The following DST variants were observed in gnomAD, a reference collection of about 807,000 sequenced individuals.
DST encodes bullous pemphigoid antigen.
DST carries 253 observed loss-of-function variants against 875.2 expected under a neutral mutation model. The ratio of observed to expected loss-of-function variants is 0.29; its 90% CI spans 0.26 to 0.32. The LOEUF is 0.32. Ranked by LOEUF, DST falls within the 10% of genes least tolerant of loss-of-function variation. DST has a pLI of 1.00. For missense variants in DST, 8,287 were observed against 9,111.6 expected (o/e 0.91, Z 3.68); for synonymous variants, 3,124 against 3,197.1 (o/e 0.98, Z 0.77).
chr6:56,950,553 A>G (rs937952542), intron 2 of DST, among the ~76,000 whole-genome samples: 4 of 152,344 alleles, frequency 2.6e-5, no homozygotes, highest in Non-Finnish European at 4.4e-5. Flanking sequence ...CAGGAAAAGT[A>G]CACTTCTTAG....
Position 56,527,569 on chromosome 6 carries a change from A to G in DST, c.17846T>C (p.Val5949Ala), listed in dbSNP as rs1380968238. ...HEELCTWLDK[V>A]EVELLSYETQ... Reference sequence around the variant, plus strand: ...TTCATATGAAAGTAATTCCACCTCCACTTTGTCCAGCCAGGTACACAGCTC... The same window carrying G: ...TTCATATGAAAGTAATTCCACCTCCGCTTTGTCCAGCCAGGTACACAGCTC... The change falls in exon 68 of 104, where the codon GTG becomes GCG. Residue 5949 changes from valine (V) to alanine (A), a missense_variant. Coordinates refer to ENST00000680361, the MANE Select transcript of DST (RefSeq NM_001374736.1). The G allele has an allele frequency of 6.2e-7, 1 of 1,613,562 alleles. No individual in the cohort carries two copies. Among genetic ancestry groups the G allele is most frequent in the African/African-American group, 1.3e-5 (1 of 74,860 alleles).
chr6:56,469,963 A>G lies in DST; in HGVS notation c.22477-6T>C. The stretch of plus-strand genomic sequence containing the variant: ...TTAGCTACCTGCCTTGTCACCTGCC[A>G]AAAACAATGATGAAATATTTACTTT... On this transcript the variant is annotated splice_polypyrimidine_tract_variant and splice_region_variant and intron_variant, in intron 96 of 103. Coordinates refer to ENST00000680361, the MANE Select transcript of DST (RefSeq NM_001374736.1). 10 of 1,612,876 alleles carry G rather than the reference A, an allele frequency of 6.2e-6. No individual in the cohort carries two copies. The highest frequency in any genetic ancestry group is 8.5e-6 in the Non-Finnish European group (10 of 1,178,960).
chr6:56,946,726 T>C (rs533393526), intron 2 of DST, among the ~76,000 whole-genome samples: 116 of 152,260 alleles, frequency 7.6e-4, no homozygotes, highest in Non-Finnish European at 1.0e-3. Flanking sequence ...GATACATTAA[T>C]TGTGAGTCAG....
In DST at chr6:56,870,613, A is replaced by G. The variant is rs1776600881; in HGVS notation, c.418-19009T>C. 2.0e-5 allele frequency among the ~76,000 whole-genome samples: 3 copies of G among 152,042 alleles called. No individual in the cohort carries two copies. The South Asian group carries it at 6.2e-4, about 32-fold the overall frequency. ...CCCTGTCTCTACTAAAAATACAAAAATTAGCCGGGCATGGTGGCAGGCACC... is the reference window on the plus strand; with the variant it reads ...CCCTGTCTCTACTAAAAATACAAAAGTTAGCCGGGCATGGTGGCAGGCACC... On this transcript the variant is annotated intron_variant, in intron 3 of 103. Transcript: ENST00000680361.
intron 49 of DST, among the ~76,000 whole-genome samples, 161 bp from the exon 50 acceptor site, chr6:56,579,098 G>A (rs2097918353): frequency 6.6e-6 from 1 of 152,190 alleles, no homozygotes; most frequent in East Asian, 1.9e-4. Flanking sequence ...CTTCGAATAA[G>A]GCCAGTTATA....
In DST at chr6:56,722,097, C is replaced by T. The variant is rs139940877; in HGVS notation, c.687+13131G>A. Among the ~76,000 whole-genome samples, 372 of 151,908 alleles carry T rather than the reference C, an allele frequency of 2.4e-3. 1 individual carries two copies. Among genetic ancestry groups the T allele is most frequent in the African/African-American group, 8.7e-3 (359 of 41,380 alleles). On this transcript the variant is annotated intron_variant, in intron 5 of 103. Transcript: ENST00000680361. ...ATTATTTAAAAATGTAAAACATATTCTTAGCTCAGGGACATTAACAAAAAA... is the reference window on the plus strand; with the variant it reads ...ATTATTTAAAAATGTAAAACATATTTTTAGCTCAGGGACATTAACAAAAAA...
At position 56,954,659 on chromosome 6, in the gene DST, A is replaced by G. The variant is rs2127830657; in HGVS notation, c.-72T>C. On this transcript the variant is annotated 5_prime_UTR_variant, in exon 1 of 104. Transcript: ENST00000680361. ...CGGCACAGGCACCCGCGCTGGGCGCACGCCGGGACGGCGGGCACGGGTGAG... is the reference window on the plus strand; with the variant it reads ...CGGCACAGGCACCCGCGCTGGGCGCGCGCCGGGACGGCGGGCACGGGTGAG... 1 of 1,064,602 alleles carries G rather than the reference A, an allele frequency of 9.4e-7. No homozygotes were observed. 65.9% of individuals were successfully genotyped at this position (1,064,602 alleles called of 1,614,324 possible). A position where few individuals can be genotyped will look rare whatever the true frequency, so the allele number is the denominator to read the frequency against.
At position 56,523,092 on chromosome 6, in the gene DST, C is replaced by G. The variant is rs558160685; in HGVS notation, c.18129+3269G>C. 2.4e-4 allele frequency among the ~76,000 whole-genome samples: 36 copies of G among 152,216 alleles called. 2 individuals carry two copies. In the South Asian group the frequency reaches 7.5e-3, roughly 32 times the overall value. ...CATTATTTACTAAGCTGCCTTGTCC[C>G]ATTCAGATTCTTCCTAAAAGTAATG... On this transcript the variant is annotated intron_variant, in intron 69 of 103. Coordinates refer to ENST00000680361, the MANE Select transcript of DST (RefSeq NM_001374736.1).
At chr6:56,710,269 T>C (rs2099357956) in intron 5 of DST, among the ~76,000 whole-genome samples, 1 of 152,178 alleles carries the variant, frequency 6.6e-6, no homozygotes, top group African/African-American at 2.4e-5. Flanking sequence ...TAGTGAGCTC[T>C]GCAGTAGGGA....
At chr6:56,945,996 G>A (rs1475352125) in intron 2 of DST, among the ~76,000 whole-genome samples, 1 of 152,138 alleles carries the variant, frequency 6.6e-6, no homozygotes, top group Non-Finnish European at 1.5e-5. Context: ...ACAACCTTGT[G>A]AATATACCAA....
At chr6:56,624,856 T>C (rs550495958) in intron 35 of DST, among the ~76,000 whole-genome samples, 1 of 152,168 alleles carries the variant, frequency 6.6e-6, no homozygotes, top group African/African-American at 2.4e-5. Flanking sequence ...TTTATTTATC[T>C]CCATAGTTAA....
At chr6:56,594,339 C>T in intron 47 of DST, 146 bp from the exon 48 acceptor site, 1 of 577,444 alleles carries the variant, frequency 1.7e-6, no homozygotes. Context: ...CTATACCGTA[C>T]TCCCTTTTAT....
chr6:56,704,568 T>C (rs2099325314), intron 5 of DST, among the ~76,000 whole-genome samples, 199 bp from the exon 6 acceptor site: 1 of 152,234 alleles, frequency 6.6e-6, no homozygotes, highest in South Asian at 2.1e-4. Context: ...AGATTAATAA[T>C]TCAAGAAGAC....
chr6:56,724,769 C>A (rs1241343583), intron 5 of DST, among the ~76,000 whole-genome samples: 1 of 152,200 alleles, frequency 6.6e-6, no homozygotes, highest in Non-Finnish European at 1.5e-5. Context: ...GCATTCATCA[C>A]TGTAATACTA....
intron 4 of DST, among the ~76,000 whole-genome samples, chr6:56,849,326 G>A (rs572383857): frequency 5.9e-5 from 9 of 151,856 alleles, no homozygotes; most frequent in South Asian, 4.2e-4. Context: ...TAGTAGAGAC[G>A]GGGTTTCACC....
intron 13 of DST, among the ~76,000 whole-genome samples, chr6:56,647,871 A>T (rs555975243): frequency 6.6e-6 from 1 of 152,080 alleles, no homozygotes; most frequent in African/African-American, 2.4e-5. Flanking sequence ...TTTTTAATAG[A>T]GATGGGGTTT....
chr6:56,553,298 A>G lies in DST; in HGVS notation c.15494T>C (p.Leu5165Ser). 6.2e-7 allele frequency: 1 copy of G among 1,613,426 alleles called. No homozygotes were observed. Among genetic ancestry groups the G allele is most frequent in the Non-Finnish European group, 8.5e-7 (1 of 1,179,824 alleles). The part of the protein sequence containing the change: ...KERENKLKES[L>S]EKALKYKEQV... ...CTCTTTATACTTAAGGGCTTTTTCCAATGACTCTTTTAACTTGTTTTCTCT... is the reference window on the plus strand; with the variant it reads ...CTCTTTATACTTAAGGGCTTTTTCCGATGACTCTTTTAACTTGTTTTCTCT... Residue 5165 changes from leucine to serine, a missense_variant, in exon 61 of 104, where the codon TTG (leucine) becomes TCG (serine). By Grantham distance (145) the Leu-to-Ser change is moderately radical. Coordinates refer to ENST00000680361, the MANE Select transcript of DST (RefSeq NM_001374736.1).
intron 36 of DST, chr6:56,615,968 A>AC: frequency 6.2e-7 from 1 of 1,614,172 alleles, no homozygotes; most frequent in South Asian, 1.1e-5. Flanking sequence ...AGCTTCGGCC[A>AC]CCCGGTACTT....
intron 10 of DST, among the ~76,000 whole-genome samples, chr6:56,655,588 A>C (rs1206207792): frequency 6.6e-6 from 1 of 152,194 alleles, no homozygotes; most frequent in African/African-American, 2.4e-5. Context: ...GCTACCCTGC[A>C]TCTGCTTTCC....
Sources: gnomAD v4.1 joint callset for allele counts (sites outside exome capture counted in the v4.1 genomes callset) on GRCh38, gnomAD v4.1.1 for gene constraint, MANE v1.5 for transcripts, NCBI Gene and HGNC (gene_info 2026-07-23, HGNC 2026-07-21) for gene names.